The following CDC42 variants were observed in gnomAD, a reference collection of about 807,000 sequenced individuals.
CDC42 encodes the protein cell division cycle 42, also known as cell division control protein 42 homolog.
CDC42 carries 1 observed loss-of-function variant against 20.8 expected under a neutral mutation model. The ratio of observed to expected loss-of-function variants is 0.05; its 90% confidence interval spans 0.02 to 0.23. The LOEUF (loss-of-function observed/expected upper bound fraction) is 0.23. Among genes scored for constraint, CDC42 ranks in the 10% least tolerant of loss-of-function variants. The pLI, the probability that CDC42 is intolerant of heterozygous loss-of-function variation, is 1.00. For synonymous variants in CDC42, 72 were observed against 84.8 expected, an observed-to-expected ratio of 0.85 and a Z score of 0.83; for missense variants, 49 against 227.9, an observed-to-expected ratio of 0.21 and a Z score of 5.05.
intron 5 of CDC42, chr1:22,090,527 CTT>C (rs1380372089): frequency 3.0e-6 from 3 of 987,278 alleles, no homozygotes; most frequent in Admixed American, 6.0e-5. Flanking sequence ...TGCGGTGAAA[CTT>C]TGTGTTGCTG....
intron 2 of CDC42, among the ~76,000 whole-genome samples, chr1:22,081,084 G>C (rs1267057251): frequency 6.6e-6 from 1 of 152,144 alleles, no homozygotes; most frequent in African/African-American, 2.4e-5. Flanking sequence ...TGGGAGAATC[G>C]CTTGATCCCA....
intron 1 of CDC42, chr1:22,059,106 T>G (rs1645335113): frequency 6.6e-6 from 1 of 152,258 alleles, no homozygotes; most frequent in African/African-American, 2.4e-5. Flanking sequence ...ATTACAGTTG[T>G]GAGCCTCTGC....
chr1:22,064,868 G>T (rs1435399591), intron 1 of CDC42, among the ~76,000 whole-genome samples: 1 of 152,018 alleles, frequency 6.6e-6, no homozygotes, highest in East Asian at 1.9e-4. Context: ...GTAGAGACAG[G>T]GTTTCACCAT....
rs772775338 is a variant in CDC42 at position 22,095,230 on chromosome 1, A to G, written c.*3713A>G. Among the ~76,000 whole-genome samples the G allele has an allele frequency of 5.9e-5, 9 of 151,378 alleles. No individual in the cohort carries two copies. The highest frequency in any genetic ancestry group is 1.0e-4 in the Non-Finnish European group (7 of 67,928). ...CTTCAGATCATGGTGATTTAATTAC[A>G]TGGCCCAATCATGTTTTCTTTCCAG... is the stretch of plus-strand genomic sequence containing the variant. On this transcript the variant is annotated 3_prime_UTR_variant, in exon 6 of 6. Coordinates refer to ENST00000656825, the MANE Select transcript of CDC42 (RefSeq NM_001791.4).
In CDC42 at chr1:22,097,397, G is replaced by A. The variant is rs914461265; in HGVS notation, c.*5880G>A. Among the ~76,000 whole-genome samples, 1 of 152,040 alleles carries A rather than the reference G, an allele frequency of 6.6e-6. No individual in the cohort carries two copies. The highest frequency in any genetic ancestry group is 1.5e-5 in the Non-Finnish European group (1 of 68,002). Reference sequence around the variant, plus strand: ...GCTGGGACTACAGGCGTGAGCCACCGTGCCTGGCTAATTTTTGTATTTTTA... The same window carrying A: ...GCTGGGACTACAGGCGTGAGCCACCATGCCTGGCTAATTTTTGTATTTTTA... On this transcript the variant is annotated 3_prime_UTR_variant, in exon 6 of 6. Coordinates refer to ENST00000656825, the MANE Select transcript of CDC42 (RefSeq NM_001791.4).
intron 2 of CDC42, 131 bp downstream of exon 2, chr1:22,078,714 T>TTC: frequency 6.6e-7 from 1 of 1,505,318 alleles, no homozygotes; most frequent in Non-Finnish European, 8.9e-7. Context: ...AGATCTTGAC[T>TTC]TCTCATGGGT....
intron 1 of CDC42, among the ~76,000 whole-genome samples, chr1:22,077,082 G>T (rs1380364259): frequency 3.3e-5 from 5 of 152,166 alleles, no homozygotes; most frequent in Non-Finnish European, 7.3e-5. Flanking sequence ...CTTGAGTCTG[G>T]GAGGTGGAGG....
Position 22,094,294 on chromosome 1 carries a change from A to ATTTTTTTTTTTTTTTTTTT in CDC42, c.*2780_*2798dup, listed in dbSNP as rs747002932. ...GTTTTACTGAACATCCTAGAAATAG[A>ATTTTTTTTTTTTTTTTTTT]TTTTTTTTTTTTTTTTTTTTTGAGA... On this transcript the variant is annotated 3_prime_UTR_variant, in exon 6 of 6. Coordinates refer to ENST00000656825, the MANE Select transcript of CDC42 (RefSeq NM_001791.4). Among the ~76,000 whole-genome samples, 92 of 38,300 alleles carry ATTTTTTTTTTTTTTTTTTT rather than the reference A, an allele frequency of 2.4e-3. 36 individuals carry two copies. Among genetic ancestry groups the ATTTTTTTTTTTTTTTTTTT allele is most frequent in the East Asian group, 5.6e-3 (4 of 710 alleles). 25.1% of individuals were successfully genotyped at this position (38,300 alleles called of 152,430 possible).
chr1:22,065,661 G>A (rs772177783), intron 1 of CDC42, among the ~76,000 whole-genome samples: 11 of 151,560 alleles, frequency 7.3e-5, no homozygotes, highest in Middle Eastern at 6.8e-3. Flanking sequence ...ATTTGTAGAC[G>A]AGAAAGTTAA....
intron 1 of CDC42, among the ~76,000 whole-genome samples, chr1:22,073,409 C>T (rs544746333): frequency 1.0e-3 from 152 of 151,820 alleles, no homozygotes; most frequent in African/African-American, 3.4e-3. Context: ...CATGGTGGTG[C>T]GTGCCTGTAA....
At chr1:22,053,694 A>G (rs1645263700) in intron 1 of CDC42, among the ~76,000 whole-genome samples, 1 of 152,196 alleles carries the variant, frequency 6.6e-6, no homozygotes, top group Non-Finnish European at 1.5e-5. Flanking sequence ...CTTAAATTCA[A>G]ACAGCATTTT....
intron 2 of CDC42, 152 bp downstream of exon 2, chr1:22,078,735 C>T: frequency 1.3e-6 from 2 of 1,500,956 alleles, no homozygotes; most frequent in Non-Finnish European, 8.9e-7. Context: ...AAATTATATA[C>T]ACTTTAAACA....
At chr1:22,062,276 A>G (rs1224053075) in intron 1 of CDC42, among the ~76,000 whole-genome samples, 2 of 152,326 alleles carry the variant, frequency 1.3e-5, no homozygotes, top group East Asian at 3.9e-4. Flanking sequence ...TTATAAGACA[A>G]ATTGTTTGAG....
intron 2 of CDC42, among the ~76,000 whole-genome samples, chr1:22,079,690 G>T (rs570531736): frequency 2.6e-5 from 4 of 152,280 alleles, no homozygotes; most frequent in South Asian, 2.1e-4. Flanking sequence ...ACGTTTTGAG[G>T]TTCAGTGGAC....
intron 1 of CDC42, 164 bp downstream of exon 1, chr1:22,052,906 G>A (rs1645251408): frequency 6.6e-6 from 1 of 152,260 alleles, no homozygotes; most frequent in Non-Finnish European, 1.5e-5. Flanking sequence ...GCGTCCTCCG[G>A]GCGGGCGCGG....
rs200889790 is a variant in CDC42, at chr1:22,095,948, AATTT to A, written c.*4456_*4459del. Among the ~76,000 whole-genome samples the A allele has an allele frequency of 2.3e-4, 35 of 151,662 alleles. No homozygotes were observed. Among genetic ancestry groups the A allele is most frequent in the Admixed American group, 8.5e-4 (13 of 15,242 alleles). On this transcript the variant is annotated 3_prime_UTR_variant, in exon 6 of 6. Transcript: ENST00000656825. ...TGCTATTCATTCATTTTTTTAAAAA[AATTT>A]ATTTATTTATTTATTTATTTATTTT...
chr1:22,058,376 G>T (rs537580747), intron 1 of CDC42, among the ~76,000 whole-genome samples: 1 of 152,130 alleles, frequency 6.6e-6, no homozygotes, highest in Non-Finnish European at 1.5e-5. Context: ...ATCATAATCT[G>T]AAAATGAATC....
At chr1:22,052,949 T>G (rs1281332000) in intron 1 of CDC42, 1 of 146,626 alleles carries the variant, frequency 6.8e-6, no homozygotes, top group Non-Finnish European at 1.5e-5. Context: ...GGGGCGGGGG[T>G]CGCGGCCGGG....
At chr1:22,056,666 C>A (rs908537503) in intron 1 of CDC42, among the ~76,000 whole-genome samples, 2 of 152,194 alleles carry the variant, frequency 1.3e-5, no homozygotes, top group African/African-American at 2.4e-5. Context: ...TCCTGAATGT[C>A]AAAACTCTTC....
Sources: gnomAD v4.1 joint callset for allele counts (sites outside exome capture counted in the v4.1 genomes callset) on GRCh38, gnomAD v4.1.1 for gene constraint, MANE v1.5 for transcripts, NCBI Gene and HGNC (gene_info 2026-07-23, HGNC 2026-07-21) for gene names.